The following TRPV3 variants were observed in gnomAD, a reference collection of about 807,000 sequenced individuals.
TRPV3 encodes the protein transient receptor potential cation channel subfamily V member 3.
In TRPV3, 88 loss-of-function variants were observed where a neutral mutation model predicts 87.1. That is an observed-to-expected ratio of 1.01 (90% CI 0.85 to 1.21). The LOEUF (loss-of-function observed/expected upper bound fraction) is 1.21. TRPV3 is among the 50% of genes most tolerant of loss of function. The pLI, the probability that TRPV3 is intolerant of heterozygous loss-of-function variation, is 0.00. For synonymous variants in TRPV3, 438 were observed against 423.3 expected, an observed-to-expected ratio of 1.03 and a Z score of -0.43; for missense variants, 1,054 against 1,030.1, an observed-to-expected ratio of 1.02 and a Z score of -0.32.
At chr17:3,540,009 A>AG (rs2074444033) in intron 6 of TRPV3, among the ~76,000 whole-genome samples, 1 of 149,998 alleles carries the variant, frequency 6.7e-6, no homozygotes. Context: ...CGGGAGGCAG[A>AG]GGTTGTGCCA....
rs774494217 is a variant in TRPV3 at position 3,528,857 on chromosome 17, A to G, written c.1381T>C (p.Tyr461His). 1.4e-5 allele frequency: 22 copies of G among 1,614,084 alleles called. No homozygotes were observed. The East Asian group carries it at 4.9e-4, about 36-fold the overall frequency. Residue 461 changes from tyrosine (Y) to histidine (H), a missense_variant, in exon 10 of 18, where the codon TAC becomes CAC. Transcript: ENST00000576742. The surrounding 1 kb of genome is among the most constrained non-coding windows in gnomAD (Gnocchi z 4.2). ...CGTACCTCCTCCTCCCGGGGGCGGT[A>G]GTACGAGACGAGGGTCAGGGTGATG... ...YNITLTLVSY[Y>H]RPREEEAIPH...
chr17:3,512,170 C>T lies in TRPV3; in HGVS notation c.*1747G>A, dbSNP rs2074121397. ...TCTCAATTTCCTAATTCTGCCCATT[C>T]TGAAACACATCTGCTCCTCCTGCCT... is the stretch of plus-strand genomic sequence containing the variant. On this transcript the variant is annotated 3_prime_UTR_variant, in exon 18 of 18. Transcript: ENST00000576742. The T allele has an allele frequency of 6.6e-6, 1 of 152,262 alleles. No individual in the cohort carries two copies. Among genetic ancestry groups the T allele is most frequent in the Admixed American group, 6.5e-5 (1 of 15,286 alleles). The allele number at this position is 152,262 out of a possible 1,614,324, so 9.4% of individuals were successfully genotyped here.
In TRPV3 at chr17:3,524,249, G is replaced by A. The variant is rs1400133002; in HGVS notation, c.1692C>T (p.Tyr564=). The change falls in exon 13 of 18, where the codon TAC becomes TAT. Residue 564 remains tyrosine (Y), a synonymous_variant. Coordinates refer to ENST00000576742, the MANE Select transcript of TRPV3 (RefSeq NM_145068.4). ...CCATGGACTGGAAACCCCGCGTATA[G>A]TAGAGCATGTTCGCCCAGCCCAGGG... is the stretch of plus-strand genomic sequence containing the variant. ...AMALGWANML[Y]YTRGFQSMGM... The A allele has an allele frequency of 6.2e-7, 1 of 1,614,258 alleles. No individual in the cohort carries two copies. Among genetic ancestry groups the A allele is most frequent in the African/African-American group, 1.3e-5 (1 of 75,064 alleles).
intron 6 of TRPV3, among the ~76,000 whole-genome samples, chr17:3,536,869 C>T (rs1007549483): frequency 6.6e-6 from 1 of 152,106 alleles, no homozygotes; most frequent in African/African-American, 2.4e-5. Flanking sequence ...GACCAGAAGG[C>T]TGGAGTGGGG....
At chr17:3,543,812 A>G (rs1411044501) in intron 4 of TRPV3, among the ~76,000 whole-genome samples, 184 bp from the exon 5 acceptor site, 3 of 152,184 alleles carry the variant, frequency 2.0e-5, no homozygotes, top group African/African-American at 7.2e-5. Flanking sequence ...ATCCATATGC[A>G]ATCACATTTT....
At position 3,530,293 on chromosome 17, in the gene TRPV3, G is replaced by A; in HGVS notation, c.1066-90C>T. 7 of 1,344,402 alleles carry A rather than the reference G, an allele frequency of 5.2e-6. No homozygotes were observed. The highest frequency in any genetic ancestry group is 7.1e-6 in the Non-Finnish European group (7 of 987,044). 83.3% of individuals were successfully genotyped at this position (1,344,402 alleles called of 1,614,324 possible). On this transcript the variant is annotated intron_variant, in intron 8 of 17. Transcript: ENST00000576742. This position sits in a 1 kb window ranked among gnomAD's most constrained non-coding sequence, Gnocchi z 4.0. ...CAGCCAGAGGCTGGCTGGGCCCAGGGGATACACCCGCCCAGAATGGGTGGA... is the reference window on the plus strand; with the variant it reads ...CAGCCAGAGGCTGGCTGGGCCCAGGAGATACACCCGCCCAGAATGGGTGGA...
At position 3,533,501 on chromosome 17, in the gene TRPV3, CT is replaced by C. The variant is rs11378089; in HGVS notation, c.785-565del. Among the ~76,000 whole-genome samples, 356 of 139,218 alleles carry C rather than the reference CT, an allele frequency of 2.6e-3. 3 individuals carry two copies. The highest frequency in any genetic ancestry group is 7.3e-3 in the African/African-American group (273 of 37,618). The allele number at this position is 139,218 out of a possible 152,430, so 91.3% of individuals were successfully genotyped here. On this transcript the variant is annotated intron_variant, in intron 7 of 17. Coordinates refer to ENST00000576742, the MANE Select transcript of TRPV3 (RefSeq NM_145068.4). ...TCTTGGTTCCTTGTCCTCTGCTTTA[CT>C]TTTTTTTTTTTTTTTGAGATGGAGT...
At chr17:3,526,957 C>T (rs774546315) in intron 11 of TRPV3, 30 bp from the exon 12 acceptor site, 35 of 1,582,386 alleles carry the variant, frequency 2.2e-5, no homozygotes, top group Non-Finnish European at 3.0e-5. Context: ...AAACAGTGCA[C>T]CCTCTTCATG....
chr17:3,529,829 AG>A (rs1166473111), intron 9 of TRPV3, among the ~76,000 whole-genome samples, 197 bp downstream of exon 9: 6 of 139,368 alleles, frequency 4.3e-5, no homozygotes, highest in African/African-American at 1.6e-4. Flanking sequence ...AAGGTCAATC[AG>A]GAAGAGTCGG....
At chr17:3,534,262 C>A (rs1342392250) in intron 7 of TRPV3, among the ~76,000 whole-genome samples, 2 of 152,006 alleles carry the variant, frequency 1.3e-5, no homozygotes, top group African/African-American at 4.8e-5. Flanking sequence ...TAAAAAACCA[C>A]CCAGAAGATA....
In TRPV3 at chr17:3,556,596, C is replaced by T. The variant is rs2074635020; in HGVS notation, c.-3+1080G>A. Among the ~76,000 whole-genome samples, 1 of 152,132 alleles carries T rather than the reference C, an allele frequency of 6.6e-6. No homozygotes were observed. Among genetic ancestry groups the T allele is most frequent in the African/African-American group, 2.4e-5 (1 of 41,428 alleles). ...TGATCCTACCCCAATAGGAAAGCTTCCTGGAGGAAGTTTCCGGAGCCAGGT... is the reference window on the plus strand; with the variant it reads ...TGATCCTACCCCAATAGGAAAGCTTTCTGGAGGAAGTTTCCGGAGCCAGGT... On this transcript the variant is annotated intron_variant, in intron 1 of 17. Coordinates refer to ENST00000576742, the MANE Select transcript of TRPV3 (RefSeq NM_145068.4). The surrounding 1 kb of genome is among the most constrained non-coding windows in gnomAD (Gnocchi z 4.2).
intron 6 of TRPV3, among the ~76,000 whole-genome samples, chr17:3,536,079 G>A (rs190343349): frequency 4.0e-4 from 61 of 152,328 alleles, no homozygotes; most frequent in African/African-American, 1.4e-3. Flanking sequence ...GCCAGAGAGC[G>A]TCAGGGGGCT....
At chr17:3,545,400 G>A (rs1597489114) in intron 2 of TRPV3, 129 bp from the exon 3 acceptor site, 2 of 608,250 alleles carry the variant, frequency 3.3e-6, no homozygotes. Flanking sequence ...AGCCCAAATG[G>A]CCTTGCCCAG....
chr17:3,546,979 A>AT (rs1567644556), intron 2 of TRPV3, among the ~76,000 whole-genome samples: 1 of 151,610 alleles, frequency 6.6e-6, no homozygotes, highest in South Asian at 2.1e-4. Flanking sequence ...AAAAAAAAAA[A>AT]CTGGGTCTGG....
intron 9 of TRPV3, 131 bp downstream of exon 9, chr17:3,529,896 C>T: frequency 9.9e-7 from 1 of 1,013,540 alleles, no homozygotes; most frequent in Non-Finnish European, 1.4e-6. Flanking sequence ...CTCACTGAGG[C>T]AACAGAGTGG....
intron 9 of TRPV3, 150 bp downstream of exon 9, chr17:3,529,877 C>T: frequency 1.3e-6 from 1 of 764,394 alleles, no homozygotes; most frequent in Non-Finnish European, 1.9e-6. Flanking sequence ...TTTTCTGTGC[C>T]TGACTCTGCT....
chr17:3,541,681 G>A (rs1234699011), intron 6 of TRPV3, among the ~76,000 whole-genome samples: 1 of 152,148 alleles, frequency 6.6e-6, no homozygotes, highest in African/African-American at 2.4e-5. Flanking sequence ...TCGACTTTTG[G>A]TGGCCCCTGC....
chr17:3,538,330 C>G (rs995348543), intron 6 of TRPV3, among the ~76,000 whole-genome samples: 7 of 150,954 alleles, frequency 4.6e-5, no homozygotes, highest in East Asian at 3.9e-4. Context: ...AGAAAATACA[C>G]ACAGTGAATA....
rs1253483133 is a variant in TRPV3 at position 3,526,856 on chromosome 17, G to C, written c.1575C>G (p.Val525=). The C allele has an allele frequency of 6.2e-7, 1 of 1,610,256 alleles. No homozygotes were observed. Among genetic ancestry groups the C allele is most frequent in the Admixed American group, 1.7e-5 (1 of 59,506 alleles). Residue 525 remains valine (V), a splice_region_variant and synonymous_variant, in exon 12 of 18, where the codon GTC becomes GTG. Coordinates refer to ENST00000576742, the MANE Select transcript of TRPV3 (RefSeq NM_145068.4). ...ACCAAGGGGCCAGACCTACTTACAA[G>C]ACAAAGTGGAACCAGGCATCCGAGA... The part of the protein sequence containing the change: ...SILSDAWFHF[V]FFIQAVLVIL...
Sources: gnomAD v4.1 joint callset for allele counts (sites outside exome capture counted in the v4.1 genomes callset) on GRCh38, gnomAD v4.1.1 for gene constraint, Gnocchi (gnomAD v3.1) non-coding constraint, MANE v1.5 for transcripts, NCBI Gene and HGNC (gene_info 2026-07-23, HGNC 2026-07-21) for gene names.